RABL3: variants seen among roughly 807,000 people sequenced by gnomAD.
RABL3 encodes rab-like protein 3.
A neutral mutation model predicts 31.8 loss-of-function variants in RABL3; 31 were observed. That is an observed-to-expected ratio of 0.97 (90% CI 0.73 to 1.31). The LOEUF (loss-of-function observed/expected upper bound fraction) is 1.31, where lower values mean the gene tolerates loss of function less well. Ranked by LOEUF, RABL3 falls within the 40% of genes most tolerant of loss-of-function variation. RABL3 has a pLI of 0.00. For missense variants in RABL3, 263 were observed against 279.6 expected, an observed-to-expected ratio of 0.94 and a Z score of 0.42; for synonymous variants, 97 against 99.9, an observed-to-expected ratio of 0.97 and a Z score of 0.18.
Position 120,738,569 on chromosome 3 carries a change from C to G in RABL3, c.46+3893G>C, listed in dbSNP as rs187169621. On this transcript the variant is annotated intron_variant, in intron 1 of 7. Transcript: ENST00000273375. ...AATCACCTGTCTTCTGCGTCGCTCA[C>G]GCTGGGAGCTGTAGACTGGAGCTGT... 4.5e-3 allele frequency: 693 copies of G among 153,672 alleles called. 3 individuals are homozygous for G. Among genetic ancestry groups the G allele is most frequent in the South Asian group, 9.5e-3 (46 of 4,852 alleles). The allele number at this position is 153,672 out of a possible 1,614,324, so 9.5% of individuals were successfully genotyped here.
intron 1 of RABL3, among the ~76,000 whole-genome samples, chr3:120,736,901 C>T (rs13097847): frequency 1.0e-3 from 148 of 147,440 alleles, no homozygotes; most frequent in Non-Finnish European, 1.9e-3. Context: ...CTGAGAGATA[C>T]GCTGATGGGC....
chr3:120,721,917 C>T (rs1490888325), intron 2 of RABL3: 1 of 152,204 alleles, frequency 6.6e-6, no homozygotes, highest in East Asian at 1.9e-4. Flanking sequence ...AAACTGACCA[C>T]ACAGTTGGAA....
chr3:120,722,311 A>G (rs1463932388), intron 2 of RABL3: 2 of 152,138 alleles, frequency 1.3e-5, no homozygotes, highest in African/African-American at 4.8e-5. Flanking sequence ...TCTACATAAA[A>G]CCTAGACGAA....
intron 6 of RABL3, among the ~76,000 whole-genome samples, chr3:120,693,691 G>C (rs929895743): frequency 6.6e-5 from 10 of 152,160 alleles, no homozygotes; most frequent in African/African-American, 9.7e-5. Context: ...AAATATTTCT[G>C]AGAGGGAAAC....
intron 1 of RABL3, among the ~76,000 whole-genome samples, chr3:120,737,352 G>A (rs1708981249): frequency 6.6e-6 from 1 of 152,152 alleles, no homozygotes. Context: ...CGTAGTTCTT[G>A]TGCCATGGTT....
chr3:120,742,155 CTTTT>C (rs55966768), intron 1 of RABL3, among the ~76,000 whole-genome samples: 2 of 132,822 alleles, frequency 1.5e-5, no homozygotes. Flanking sequence ...TCAATGCCTG[CTTTT>C]TTTTTTTTTT....
At chr3:120,714,934 G>A (rs1708651263) in intron 2 of RABL3, among the ~76,000 whole-genome samples, 1 of 152,078 alleles carries the variant, frequency 6.6e-6, no homozygotes, top group Admixed American at 6.5e-5. Flanking sequence ...AGTGGTTCGG[G>A]ATTATTTCTA....
chr3:120,704,214 G>C (rs570379548), intron 4 of RABL3, among the ~76,000 whole-genome samples: 1 of 152,194 alleles, frequency 6.6e-6, no homozygotes, highest in South Asian at 2.1e-4. Context: ...CATGACCAAG[G>C]AATGGAAGGC....
intron 6 of RABL3, among the ~76,000 whole-genome samples, chr3:120,691,534 C>A (rs1708380131): frequency 6.6e-6 from 1 of 152,154 alleles, no homozygotes; most frequent in Admixed American, 6.6e-5. Context: ...TAACTGTAGG[C>A]TAACATAAGT....
intron 1 of RABL3, chr3:120,738,534 G>A (rs886520379): frequency 1.3e-5 from 2 of 153,274 alleles, no homozygotes; most frequent in African/African-American, 4.8e-5. Flanking sequence ...TACCTCGTTG[G>A]AAATGCAGAA....
chr3:120,730,327 C>G (rs1213260389), intron 2 of RABL3, among the ~76,000 whole-genome samples: 1 of 152,162 alleles, frequency 6.6e-6, no homozygotes, highest in African/African-American at 2.4e-5. Flanking sequence ...GAGCTTTTGC[C>G]TTTACATTAT....
chr3:120,730,765 G>A lies in RABL3; in HGVS notation c.69C>T (p.Val23=), dbSNP rs745915086. Residue 23 remains valine, a synonymous_variant, in exon 2 of 8, where the codon GTC becomes GTT. Coordinates refer to ENST00000273375, the MANE Select transcript of RABL3 (RefSeq NM_173825.5). The part of the protein sequence containing the change: ...GDSGVGKSSL[V]HLLCQNQVLG... Reference sequence around the variant, plus strand: ...GCACTTGATTTTGGCATAGGAGATGGACTAACGAAGATTTCCCAACACCTG... The same window carrying A: ...GCACTTGATTTTGGCATAGGAGATGAACTAACGAAGATTTCCCAACACCTG... 6.2e-7 allele frequency: 1 copy of A among 1,613,360 alleles called. No individual in the cohort carries two copies. Among genetic ancestry groups the A allele is most frequent in the Admixed American group, 1.7e-5 (1 of 59,996 alleles).
Position 120,712,698 on chromosome 3 carries a change from G to A in RABL3, c.139-2789C>T, listed in dbSNP as rs928492512. 3.1e-4 allele frequency among the ~76,000 whole-genome samples: 47 copies of A among 152,108 alleles called. 2 individuals carry two copies. Among genetic ancestry groups the A allele is most frequent in the East Asian group, 7.7e-4 (4 of 5,190 alleles). ...CTCTGAGTGTAAGGGCACGGACCAT[G>A]TATTATTCATCCTTTAGCCCTAGAA... is the stretch of plus-strand genomic sequence containing the variant. On this transcript the variant is annotated intron_variant, in intron 2 of 7. Coordinates refer to ENST00000273375, the MANE Select transcript of RABL3 (RefSeq NM_173825.5).
intron 1 of RABL3, 86 bp downstream of exon 1, chr3:120,742,376 A>T (rs1709056663): frequency 1.6e-6 from 2 of 1,277,904 alleles, no homozygotes; most frequent in South Asian, 2.4e-5. Flanking sequence ...CCGAGGAGCC[A>T]GGAAGTTGAG....
rs368647806 is a variant in RABL3 at position 120,697,741 on chromosome 3, C to T, written c.534+682G>A. ...TTGCAATTTTTTCATGTATTTGTTA[C>T]GTTGCCCTTTAAGGTAAAATTTGTA... On this transcript the variant is annotated intron_variant, in intron 5 of 7. Coordinates refer to ENST00000273375, the MANE Select transcript of RABL3 (RefSeq NM_173825.5). 7.2e-5 allele frequency among the ~76,000 whole-genome samples: 11 copies of T among 152,128 alleles called. 1 individual carries two copies. Among genetic ancestry groups the T allele is most frequent in the South Asian group, 2.1e-4 (1 of 4,824 alleles).
Position 120,685,738 on chromosome 3 carries a change from C to T in RABL3, c.*4085G>A, listed in dbSNP as rs1374601496. Among the ~76,000 whole-genome samples, 1 of 152,170 alleles carries T rather than the reference C, an allele frequency of 6.6e-6. No individual in the cohort carries two copies. Among genetic ancestry groups the T allele is most frequent in the Non-Finnish European group, 1.5e-5 (1 of 68,042 alleles). ...AATGGCACTCATAAAGTACAGAGTTCACAATCTATATTCCCTACTTTTTGA... is the reference window on the plus strand; with the variant it reads ...AATGGCACTCATAAAGTACAGAGTTTACAATCTATATTCCCTACTTTTTGA... On this transcript the variant is annotated 3_prime_UTR_variant, in exon 8 of 8. Coordinates refer to ENST00000273375, the MANE Select transcript of RABL3 (RefSeq NM_173825.5).
intron 1 of RABL3, among the ~76,000 whole-genome samples, chr3:120,735,855 T>G (rs576601397): frequency 6.6e-6 from 1 of 151,792 alleles, no homozygotes; most frequent in Non-Finnish European, 1.5e-5. Flanking sequence ...TTGAGCGGTT[T>G]TGAGTGAGTT....
intron 4 of RABL3, 21 bp downstream of exon 4, chr3:120,705,979 C>T (rs1167457669): frequency 3.7e-6 from 5 of 1,368,770 alleles, no homozygotes; most frequent in Non-Finnish European, 5.2e-6. Flanking sequence ...ATCTTTCAAA[C>T]CAATTGTGAA....
Position 120,709,837 on chromosome 3 carries a change from C to T in RABL3, c.211G>A (p.Val71Met). The T allele has an allele frequency of 6.2e-7, 1 of 1,612,390 alleles. No individual in the cohort carries two copies. Among genetic ancestry groups the T allele is most frequent in the Non-Finnish European group, 8.5e-7 (1 of 1,178,538 alleles). ...YIELWDVGGS[V>M]GSASSVKSTR... ...CTTTTCACGCTGCTGGCACTGCCCA[C>T]AGAGCCTCCAACATCCCATAATTCT... The change falls in exon 3 of 8, where the codon GTG becomes ATG. Residue 71 changes from valine to methionine, a missense_variant. Transcript: ENST00000273375.
Sources: allele counts gnomAD v4.1 joint callset (sites outside exome capture counted in the v4.1 genomes callset), GRCh38; gene constraint gnomAD v4.1.1; transcripts MANE v1.5; gene names NCBI Gene and HGNC (gene_info 2026-07-23, HGNC 2026-07-21).